The following NELL1 variants were observed in gnomAD, a reference collection of about 807,000 sequenced individuals.
NELL1 encodes the protein protein kinase C-binding protein NELL1.
Under a neutral mutation model 107.4 loss-of-function variants are expected in NELL1, and 76 were observed. The ratio of observed to expected loss-of-function variants is 0.71; its 90% CI spans 0.59 to 0.86. NELL1 has a LOEUF of 0.86. Ranked by LOEUF, NELL1 falls within the 40% of genes least tolerant of loss-of-function variation. The pLI, the probability that NELL1 is intolerant of heterozygous loss-of-function variation, is 0.00. For synonymous variants in NELL1, 353 were observed against 341.2 expected, an observed-to-expected ratio of 1.03 and a Z score of -0.38; for missense variants, 1,024 against 1,005.5, an observed-to-expected ratio of 1.02 and a Z score of -0.25.
chr11:21,326,500 T>TA (rs910644199), intron 14 of NELL1, among the ~76,000 whole-genome samples: 3 of 152,106 alleles, frequency 2.0e-5, no homozygotes, highest in Non-Finnish European at 4.4e-5. Flanking sequence ...ATACATGATT[T>TA]AAAAAAATTT....
rs575030085 is a variant in NELL1 at position 20,837,772 on chromosome 11, C to A, written c.336-9811C>A. On this transcript the variant is annotated intron_variant, in intron 3 of 19. Coordinates refer to ENST00000357134, the MANE Select transcript of NELL1 (RefSeq NM_006157.5). Reference sequence around the variant, plus strand: ...AAAATAAACAGTGTTGGATTGTAACCCAAAGTAAAAAATGATAACCCATGA... The same window carrying A: ...AAAATAAACAGTGTTGGATTGTAACACAAAGTAAAAAATGATAACCCATGA... Among the ~76,000 whole-genome samples the A allele has an allele frequency of 7.3e-5, 11 of 151,044 alleles. No homozygotes were observed. In the South Asian group the frequency reaches 2.1e-3, roughly 29 times the overall value.
At chr11:20,953,334 G>A (rs986038738) in intron 11 of NELL1, among the ~76,000 whole-genome samples, 11 of 152,158 alleles carry the variant, frequency 7.2e-5, no homozygotes, top group African/African-American at 2.7e-4. Context: ...AACTATTAGT[G>A]ACCCATGTAT....
At chr11:20,846,640 C>CT (rs1409316308) in intron 3 of NELL1, among the ~76,000 whole-genome samples, 1 of 151,876 alleles carries the variant, frequency 6.6e-6, no homozygotes, top group African/African-American at 2.4e-5. Context: ...AAGTTTAAGT[C>CT]TGGTTTGGGT....
At chr11:21,135,870 T>G (rs1475043537) in intron 13 of NELL1, among the ~76,000 whole-genome samples, 1 of 152,204 alleles carries the variant, frequency 6.6e-6, no homozygotes, top group Admixed American at 6.5e-5. Context: ...ATTTATCAAT[T>G]TTTGGTCCCT....
At chr11:21,100,264 C>A (rs115650710) in intron 12 of NELL1, among the ~76,000 whole-genome samples, 1 of 152,172 alleles carries the variant, frequency 6.6e-6, no homozygotes, top group Non-Finnish European at 1.5e-5. Context: ...GCAATCCTCC[C>A]GCCTAGGCTT....
chr11:21,296,355 A>T (rs1849377099), intron 14 of NELL1, among the ~76,000 whole-genome samples: 1 of 151,988 alleles, frequency 6.6e-6, no homozygotes, highest in Non-Finnish European at 1.5e-5. Context: ...CTGGGAGCGT[A>T]GTCTCACAAT....
rs113504503 is a variant in NELL1 at position 20,858,691 on chromosome 11, G to T, written c.506+10938G>T. Among the ~76,000 whole-genome samples, 6 of 152,304 alleles carry T rather than the reference G, an allele frequency of 3.9e-5. No individual in the cohort carries two copies. In the South Asian group the frequency reaches 6.2e-4, roughly 16 times the overall value. On this transcript the variant is annotated intron_variant, in intron 4 of 19. Transcript: ENST00000357134. Reference sequence around the variant, plus strand: ...ATCTTATCCATAAACTCTCCAAGCCGCTGTTTGCAGATGGTTGGCTATCAT... The same window carrying T: ...ATCTTATCCATAAACTCTCCAAGCCTCTGTTTGCAGATGGTTGGCTATCAT...
Position 20,999,871 on chromosome 11 carries a change from T to C in NELL1, c.1300+39311T>C, listed in dbSNP as rs142517576. Among the ~76,000 whole-genome samples, 1,063 of 152,272 alleles carry C rather than the reference T, an allele frequency of 7.0e-3. 13 individuals are homozygous for C. Among genetic ancestry groups the C allele is most frequent in the African/African-American group, 0.024 (1,002 of 41,554 alleles). On this transcript the variant is annotated intron_variant, in intron 12 of 19. Transcript: ENST00000357134. Reference sequence around the variant, plus strand: ...TCTGTTGTTGTTTTCTTCATTATGGTGTTAAAGTTTTAGCTCTAATCTGCC... The same window carrying C: ...TCTGTTGTTGTTTTCTTCATTATGGCGTTAAAGTTTTAGCTCTAATCTGCC...
At chr11:20,772,220 G>A (rs1856654190) in intron 2 of NELL1, among the ~76,000 whole-genome samples, 1 of 152,182 alleles carries the variant, frequency 6.6e-6, no homozygotes, top group Admixed American at 6.5e-5. Context: ...TTAATATACA[G>A]AGTAGTTTAG....
intron 15 of NELL1, among the ~76,000 whole-genome samples, chr11:21,426,308 T>C (rs768656144): frequency 1.3e-5 from 2 of 152,202 alleles, no homozygotes; most frequent in Non-Finnish European, 2.9e-5. Flanking sequence ...CTGTGTCTCA[T>C]TCATCATTAT....
intron 5 of NELL1, among the ~76,000 whole-genome samples, chr11:20,894,423 C>T (rs966487110): frequency 1.9e-4 from 29 of 152,254 alleles, no homozygotes; most frequent in African/African-American, 6.3e-4. Flanking sequence ...GACCCCTTTA[C>T]ATCAATAATG....
chr11:21,287,889 C>T (rs534594505), intron 14 of NELL1, among the ~76,000 whole-genome samples: 1 of 151,790 alleles, frequency 6.6e-6, no homozygotes, highest in African/African-American at 2.4e-5. Flanking sequence ...ACAATGCATC[C>T]CTTGGCAATA....
intron 2 of NELL1, among the ~76,000 whole-genome samples, chr11:20,727,692 A>G (rs189341884): frequency 2.7e-3 from 408 of 152,232 alleles, no homozygotes; most frequent in Non-Finnish European, 4.4e-3. Context: ...CCTGAATGGT[A>G]TTGCCTAGGT....
rs547891464 is a variant in NELL1 at position 20,910,556 on chromosome 11, C to T, written c.604-7626C>T. ...TCAACCTGAGCAGTCCCAGGGGGGC[C>T]GTGCTTAGAAAGGTCCTGTGATTAG... On this transcript the variant is annotated intron_variant, in intron 5 of 19. Coordinates refer to ENST00000357134, the MANE Select transcript of NELL1 (RefSeq NM_006157.5). 5.9e-5 allele frequency among the ~76,000 whole-genome samples: 9 copies of T among 152,332 alleles called. No individual in the cohort carries two copies. The South Asian group carries it at 1.2e-3, about 21-fold the overall frequency.
At chr11:21,031,139 T>A (rs954897525) in intron 12 of NELL1, among the ~76,000 whole-genome samples, 19 of 152,322 alleles carry the variant, frequency 1.2e-4, no homozygotes, top group African/African-American at 4.6e-4. Flanking sequence ...TCATATTCTT[T>A]TAGAAAATTA....
At chr11:21,368,562 C>A (rs1366801583) in intron 14 of NELL1, among the ~76,000 whole-genome samples, 1 of 151,952 alleles carries the variant, frequency 6.6e-6, no homozygotes, top group African/African-American at 2.4e-5. Flanking sequence ...CCTTAGGGCA[C>A]TTGATTTCAG....
intron 2 of NELL1, among the ~76,000 whole-genome samples, chr11:20,745,031 C>A (rs1056618333): frequency 3.9e-5 from 6 of 152,166 alleles, no homozygotes; most frequent in Non-Finnish European, 4.4e-5. Context: ...TACCACATTA[C>A]CCTATTTTAT....
intron 14 of NELL1, among the ~76,000 whole-genome samples, chr11:21,264,091 T>TGTGTGTGTGTGTGTGTGG (rs1848590593): frequency 6.6e-6 from 1 of 151,392 alleles, no homozygotes; most frequent in Non-Finnish European, 1.5e-5. Context: ...TGTGTGTGTG[T>TGTGTGTGTGTGTGTGTGG]GTGTGTTTGT....
At chr11:21,379,134 C>T (rs1851552723) in intron 15 of NELL1, among the ~76,000 whole-genome samples, 1 of 151,940 alleles carries the variant, frequency 6.6e-6, no homozygotes. Context: ...ACAAGCCTGC[C>T]AATTATACTA....
Sources: gnomAD v4.1 joint callset for allele counts (sites outside exome capture counted in the v4.1 genomes callset) on GRCh38, gnomAD v4.1.1 for gene constraint, MANE v1.5 for transcripts, NCBI Gene and HGNC (gene_info 2026-07-23, HGNC 2026-07-21) for gene names.